Variants in KAZN observed in about 807,000 individuals in gnomAD.
KAZN encodes kazrin.
In KAZN, 40 loss-of-function variants were observed where a neutral mutation model predicts 87.4. The observed-to-expected ratio is 0.46, with a 90% confidence interval of 0.36 to 0.60. The LOEUF is 0.60. Ranked by LOEUF, KAZN falls within the 20% of genes least tolerant of loss-of-function variation. The pLI is 0.00. For synonymous variants in KAZN, 466 were observed against 458.3 expected (o/e 1.02, Z -0.22); for missense variants, 898 against 1,073.9 (o/e 0.84, Z 2.29).
At chr1:14,500,623 A>G (rs949148632) in intron 2 of KAZN, among the ~76,000 whole-genome samples, 9 of 152,034 alleles carry the variant, frequency 5.9e-5, no homozygotes, top group African/African-American at 2.2e-4. Context: ...TGAAAGATAG[A>G]ATAGAAAGAT....
chr1:14,579,481 T>C (rs1675394614), intron 2 of KAZN, among the ~76,000 whole-genome samples: 1 of 151,614 alleles, frequency 6.6e-6, no homozygotes, highest in East Asian at 1.9e-4. Context: ...AAAAAGCAGC[T>C]GGGCGTGGTG....
In KAZN at chr1:15,066,588, CATTTA is replaced by C. The variant is rs914050353; in HGVS notation, c.1222+841_1222+845del. ...AAAAAAGAAAAAAAGAAAATTGTTT[CATTTA>C]ATTTATTTGCACAAATGCTGAAAAC... On this transcript the variant is annotated intron_variant, in intron 8 of 14. Coordinates refer to ENST00000376030, the MANE Select transcript of KAZN (RefSeq NM_201628.3). This position sits in a 1 kb window ranked among gnomAD's most constrained non-coding sequence, Gnocchi z 4.3. 17 of 983,772 alleles carry C rather than the reference CATTTA, an allele frequency of 1.7e-5. No individual in the cohort carries two copies. In the East Asian group the frequency reaches 1.8e-3, roughly 105 times the overall value. 60.9% of individuals were successfully genotyped at this position (983,772 alleles called of 1,614,324 possible).
intron 2 of KAZN, among the ~76,000 whole-genome samples, chr1:14,454,589 A>T (rs1305640576): frequency 6.6e-6 from 1 of 152,204 alleles, no homozygotes; most frequent in East Asian, 1.9e-4. Flanking sequence ...TCCCATGGGC[A>T]TTGCCTTTAC....
intron 2 of KAZN, among the ~76,000 whole-genome samples, chr1:14,267,858 G>A (rs546463347): frequency 2.6e-5 from 4 of 152,154 alleles, no homozygotes; most frequent in South Asian, 2.1e-4. Flanking sequence ...TACTTGGGAC[G>A]CTGAGGCAGG....
intron 1 of KAZN, among the ~76,000 whole-genome samples, chr1:14,845,171 G>GTGGA (rs145173619): frequency 0.033 from 4,993 of 149,454 alleles, 137 homozygotes; most frequent in Non-Finnish European, 0.047. Context: ...GGATGGGTGG[G>GTGGA]TGGATGGATG....
intron 2 of KAZN, among the ~76,000 whole-genome samples, chr1:14,359,771 T>C (rs1263099769): frequency 6.6e-6 from 1 of 152,254 alleles, no homozygotes; most frequent in Non-Finnish European, 1.5e-5. Flanking sequence ...GCCCTCACTC[T>C]CTTCTGGCTT....
chr1:14,302,368 G>A (rs529929091), intron 2 of KAZN, among the ~76,000 whole-genome samples: 83 of 152,318 alleles, frequency 5.4e-4, no homozygotes, highest in African/African-American at 2.0e-3. Context: ...ACGTGAAGAA[G>A]TGAGCCCAAG....
At position 14,562,897 on chromosome 1, in the gene KAZN, T is replaced by C. The variant is rs1571940445; in HGVS notation, c.250-36086T>C. On this transcript the variant is annotated intron_variant, in intron 2 of 16. Coordinates refer to the KAZN transcript ENST00000636203. ...AATGATGGGCAAGCCAAATACTCGA[T>C]TGCATAGCACTCTGGAGTGCGTTTA... Among the ~76,000 whole-genome samples, 8 of 152,308 alleles carry C rather than the reference T, an allele frequency of 5.3e-5. 2 individuals are homozygous for C. In the South Asian group the frequency reaches 1.7e-3, roughly 32 times the overall value.
At chr1:14,872,999 C>G (rs12033813) in intron 1 of KAZN, among the ~76,000 whole-genome samples, 3 of 140,604 alleles carry the variant, frequency 2.1e-5, no homozygotes, top group African/African-American at 5.3e-5. Flanking sequence ...TAGAAGGATA[C>G]ATGGATGGAT....
intron 1 of KAZN, among the ~76,000 whole-genome samples, chr1:14,081,406 G>A (rs1474061752): frequency 6.6e-6 from 1 of 152,032 alleles, no homozygotes; most frequent in Non-Finnish European, 1.5e-5. Context: ...GCTCTTCCCA[G>A]TTGATGAGCC....
chr1:14,378,650 C>A (rs894970032), intron 2 of KAZN, among the ~76,000 whole-genome samples: 2 of 152,158 alleles, frequency 1.3e-5, no homozygotes, highest in African/African-American at 4.8e-5. Context: ...GAATGCAAAA[C>A]CAAGCTGAAC....
At chr1:13,900,446 C>T (rs1639208058) in intron 1 of KAZN, among the ~76,000 whole-genome samples, 1 of 152,118 alleles carries the variant, frequency 6.6e-6, no homozygotes, top group Admixed American at 6.5e-5. Flanking sequence ...CGATGATGCC[C>T]CTTGGACCAC....
intron 1 of KAZN, among the ~76,000 whole-genome samples, chr1:14,853,541 AACCCC>A (rs1159415682): frequency 2.0e-5 from 3 of 152,046 alleles, no homozygotes; most frequent in African/African-American, 7.2e-5. Context: ...GGGGGATTTG[AACCCC>A]TTAGTCTGGC....
chr1:14,266,632 GGT>G (rs1651493803), intron 2 of KAZN, among the ~76,000 whole-genome samples: 1 of 152,168 alleles, frequency 6.6e-6, no homozygotes, highest in South Asian at 2.1e-4. Context: ...CAGGGTCAAT[GGT>G]AGTCACAGCC....
chr1:14,434,820 G>T (rs1666285209), intron 2 of KAZN, among the ~76,000 whole-genome samples: 1 of 151,942 alleles, frequency 6.6e-6, no homozygotes, highest in African/African-American at 2.4e-5. Flanking sequence ...TCCTACATCA[G>T]CCACTCGCTC....
At position 14,806,822 on chromosome 1, in the gene KAZN, A is replaced by G. The variant is rs1267672771; in HGVS notation, c.227-153862A>G. Among the ~76,000 whole-genome samples the G allele has an allele frequency of 3.3e-5, 5 of 152,290 alleles. No individual in the cohort carries two copies. In the South Asian group the frequency reaches 1.0e-3, roughly 32 times the overall value. On this transcript the variant is annotated intron_variant, in intron 1 of 14. Transcript: ENST00000376030. ...CTGAGATGTGGCAGAACCGAGTTTG[A>G]ATCCAGATAGTCTGGGTAACATTTG...
At chr1:14,716,138 T>C (rs943533582) in intron 1 of KAZN, among the ~76,000 whole-genome samples, 1 of 152,132 alleles carries the variant, frequency 6.6e-6, no homozygotes, top group Admixed American at 6.5e-5. Flanking sequence ...CAGAGAAAAA[T>C]GTGTATATAT....
At chr1:14,439,719 TG>T (rs1230095319) in intron 2 of KAZN, among the ~76,000 whole-genome samples, 6 of 152,222 alleles carry the variant, frequency 3.9e-5, no homozygotes, top group African/African-American at 1.2e-4. Context: ...GCCGCCATAT[TG>T]GACAGTGCAG....
At chr1:14,916,350 A>T (rs888244656) in intron 1 of KAZN, among the ~76,000 whole-genome samples, 2 of 151,748 alleles carry the variant, frequency 1.3e-5, no homozygotes, top group East Asian at 3.9e-4. Flanking sequence ...TTGTATTTTT[A>T]GTAGAGATGG....
Sources: allele counts gnomAD v4.1 joint callset (sites outside exome capture counted in the v4.1 genomes callset), GRCh38; gene constraint gnomAD v4.1.1; non-coding constraint Gnocchi (gnomAD v3.1); transcripts MANE v1.5; gene names NCBI Gene and HGNC (gene_info 2026-07-23, HGNC 2026-07-21).